VPS39: variants seen among roughly 807,000 people sequenced by gnomAD.
VPS39 encodes the protein VPS39 subunit of HOPS complex.
Under a neutral mutation model 121.0 loss-of-function variants are expected in VPS39, and 70 were observed. The ratio of observed to expected loss-of-function variants is 0.58; its 90% confidence interval spans 0.48 to 0.71. The LOEUF is 0.71. Among genes scored for constraint, VPS39 ranks in the 30% least tolerant of loss-of-function variants. The pLI is 0.00. For synonymous variants in VPS39, 378 were observed against 398.1 expected (o/e 0.95, Z 0.60); for missense variants, 818 against 1,051.5 (o/e 0.78, Z 3.07).
chr15:42,184,395 G>A (rs754536583), intron 8 of VPS39, 122 bp downstream of exon 8: 101 of 991,848 alleles, frequency 1.0e-4, no homozygotes, highest in Non-Finnish European at 1.4e-4. Context: ...ATAAGAAGGG[G>A]AACTGAAAGT....
intron 4 of VPS39, 75 bp from the exon 5 acceptor site, chr15:42,189,283 G>A (rs1374431783): frequency 1.7e-6 from 2 of 1,188,242 alleles, no homozygotes; most frequent in African/African-American, 3.0e-5. Flanking sequence ...GGCAAAAAAA[G>A]TAACTGTGTT....
intron 1 of VPS39, among the ~76,000 whole-genome samples, chr15:42,203,258 C>A (rs941564609): frequency 2.6e-5 from 4 of 152,064 alleles, no homozygotes; most frequent in African/African-American, 9.7e-5. Flanking sequence ...CACCTGAGGT[C>A]AGGAGTTCAA....
chr15:42,198,397 C>T (rs2140887516), intron 2 of VPS39, among the ~76,000 whole-genome samples: 1 of 152,238 alleles, frequency 6.6e-6, no homozygotes. Flanking sequence ...GTTGCTGAGG[C>T]TGGAGAGCAA....
intron 19 of VPS39, 23 bp downstream of exon 19, chr15:42,164,335 C>CT: frequency 9.3e-6 from 15 of 1,613,096 alleles, no homozygotes; most frequent in Non-Finnish European, 1.3e-5. Flanking sequence ...GAAGTGGCTT[C>CT]TGGCCCTAAG....
At chr15:42,183,970 G>A (rs1448901813) in intron 8 of VPS39, among the ~76,000 whole-genome samples, 1 of 141,524 alleles carries the variant, frequency 7.1e-6, no homozygotes, top group African/African-American at 2.7e-5. Flanking sequence ...GGAACCTGAA[G>A]CAAGCATAAG....
At chr15:42,199,445 A>C (rs1401454707) in intron 2 of VPS39, 1 of 321,086 alleles carries the variant, frequency 3.1e-6, no homozygotes, top group East Asian at 1.3e-4. Flanking sequence ...GGAAGTGCAC[A>C]TGAAGGCAAA....
chr15:42,182,312 A>G (rs1256271025), intron 8 of VPS39, among the ~76,000 whole-genome samples: 1 of 152,214 alleles, frequency 6.6e-6, no homozygotes, highest in Non-Finnish European at 1.5e-5. Context: ...AACATATGTA[A>G]AATTTCTTTC....
At chr15:42,189,728 CAA>C (rs35437812) in intron 4 of VPS39, among the ~76,000 whole-genome samples, 3 of 71,900 alleles carry the variant, frequency 4.2e-5, no homozygotes, top group African/African-American at 6.4e-5. Flanking sequence ...GACTCCGTCT[CAA>C]AAAAAAAAAA....
At chr15:42,161,112 A>C (rs2049118388) in intron 24 of VPS39, 1 of 406,406 alleles carries the variant, frequency 2.5e-6, no homozygotes, top group Non-Finnish European at 4.5e-6. Flanking sequence ...GCACCAGCCC[A>C]AAGCTCAGCC....
At chr15:42,183,274 T>C (rs2049625556) in intron 8 of VPS39, among the ~76,000 whole-genome samples, 1 of 151,832 alleles carries the variant, frequency 6.6e-6, no homozygotes, top group African/African-American at 2.4e-5. Flanking sequence ...GTTTTTTTTT[T>C]TTTTCGTGTT....
intron 7 of VPS39, among the ~76,000 whole-genome samples, chr15:42,185,976 G>A (rs1266088536): frequency 6.6e-6 from 1 of 152,212 alleles, no homozygotes; most frequent in Non-Finnish European, 1.5e-5. Context: ...AGAGCCTTAA[G>A]TCCAGCTTTT....
At position 42,208,281 on chromosome 15, in the gene VPS39, A is replaced by G. The variant is rs531721168; in HGVS notation, c.-128T>C. On this transcript the variant is annotated 5_prime_UTR_variant, in exon 1 of 25. Transcript: ENST00000318006. The stretch of plus-strand genomic sequence containing the variant: ...GGAACCCCCCGGCTACAGGCCCTTC[A>G]ACAACACAGCCATCGTCAACCCCGG... 3.2e-6 allele frequency: 4 copies of G among 1,241,078 alleles called. No individual in the cohort carries two copies. Among genetic ancestry groups the G allele is most frequent in the Non-Finnish European group, 4.4e-6 (4 of 899,710 alleles). 76.9% of individuals were successfully genotyped at this position (1,241,078 alleles called of 1,614,324 possible). A position where few individuals can be genotyped will look rare whatever the true frequency, so the allele number is the denominator to read the frequency against.
At chr15:42,203,273 A>G (rs910716950) in intron 1 of VPS39, among the ~76,000 whole-genome samples, 3 of 152,122 alleles carry the variant, frequency 2.0e-5, no homozygotes, top group Admixed American at 6.5e-5. Flanking sequence ...GTTCAAGACC[A>G]GTCTGGCCAA....
chr15:42,172,764 C>G (rs1022827180), intron 11 of VPS39, among the ~76,000 whole-genome samples: 3 of 152,168 alleles, frequency 2.0e-5, no homozygotes, highest in Admixed American at 1.3e-4. Context: ...ATTCCCCAGC[C>G]TAATCTCCCA....
chr15:42,167,613 A>T, intron 12 of VPS39, 76 bp from the exon 13 acceptor site: 6 of 1,562,310 alleles, frequency 3.8e-6, no homozygotes, highest in Non-Finnish European at 5.2e-6. Flanking sequence ...GTAATTCTGA[A>T]TACCTCCAAT....
intron 5 of VPS39, among the ~76,000 whole-genome samples, chr15:42,188,759 C>T (rs749927560): frequency 4.6e-5 from 7 of 152,016 alleles, no homozygotes; most frequent in Non-Finnish European, 1.0e-4. Flanking sequence ...GTCAGGAGTT[C>T]GAGACTAGCC....
chr15:42,197,349 TAAAAAAAAA>T (rs1026254130), intron 2 of VPS39, among the ~76,000 whole-genome samples: 2 of 91,320 alleles, frequency 2.2e-5, no homozygotes, highest in Non-Finnish European at 5.0e-5. Context: ...AAAAAAAACC[TAAAAAAAAA>T]AAAAGAAAAA....
At chr15:42,203,428 C>A (rs1042675954) in intron 1 of VPS39, among the ~76,000 whole-genome samples, 2 of 151,290 alleles carry the variant, frequency 1.3e-5, no homozygotes, top group Non-Finnish European at 2.9e-5. Flanking sequence ...GAGCTGAGAT[C>A]GTACCACTGC....
At position 42,199,982 on chromosome 15, in the gene VPS39, A is replaced by AAAAC. The variant is rs201345228; in HGVS notation, c.74-22_74-21insGTTT. On this transcript the variant is annotated intron_variant, in intron 1 of 24. Transcript: ENST00000318006. ...TTCCTCTGGAAAAACAAAACAAAAC[A>AAAAC]AAAACAAAAACAAAAAAAAACCAGC... 2.1e-3 allele frequency: 3,192 copies of AAAAC among 1,530,374 alleles called. 71 individuals are homozygous for AAAAC. In the African/African-American group the frequency reaches 0.052, roughly 25 times the overall value. The allele number at this position is 1,530,374 out of a possible 1,614,324, so 94.8% of individuals were successfully genotyped here. A position where few individuals can be genotyped will look rare whatever the true frequency, so the allele number is the denominator to read the frequency against.
Sources: allele counts gnomAD v4.1 joint callset (sites outside exome capture counted in the v4.1 genomes callset), GRCh38; gene constraint gnomAD v4.1.1; transcripts MANE v1.5; gene names NCBI Gene and HGNC (gene_info 2026-07-23, HGNC 2026-07-21).